Variants in NCKAP5 observed in about 807,000 individuals in gnomAD.
NCKAP5 encodes the protein NCK associated protein 5.
NCKAP5 carries 92 observed loss-of-function variants against 167.0 expected under a neutral mutation model. The observed-to-expected ratio is 0.55, with a 90% CI of 0.47 to 0.66. The LOEUF (loss-of-function observed/expected upper bound fraction) is 0.66. Ranked by LOEUF, NCKAP5 falls within the 30% of genes least tolerant of loss-of-function variation. NCKAP5 has a pLI of 0.00. For missense variants in NCKAP5, 2,378 were observed against 2,315.0 expected (o/e 1.03, Z -0.56); for synonymous variants, 891 against 877.4 (o/e 1.02, Z -0.27).
rs79269932 is a variant in NCKAP5 at position 133,372,997 on chromosome 2, T to C, written c.70-69887A>G. ...GATGTTTCAGTGGAGGTGATTCTAA[T>C]GCAAACTTTTCTTCAGGAGGGAAAT... is the stretch of plus-strand genomic sequence containing the variant. On this transcript the variant is annotated intron_variant, in intron 3 of 19. Transcript: ENST00000409261. Among the ~76,000 whole-genome samples, 496 of 152,328 alleles carry C rather than the reference T, an allele frequency of 3.3e-3. 7 individuals carry two copies. Among genetic ancestry groups the C allele is most frequent in the African/African-American group, 0.011 (453 of 41,570 alleles).
chr2:133,244,202 G>A (rs576561114), intron 4 of NCKAP5, among the ~76,000 whole-genome samples: 1 of 152,068 alleles, frequency 6.6e-6, no homozygotes, highest in Non-Finnish European at 1.5e-5. Context: ...TGATAAAGAT[G>A]GATATTCTTT....
At chr2:133,274,895 T>G (rs1046060645) in intron 4 of NCKAP5, among the ~76,000 whole-genome samples, 1 of 151,930 alleles carries the variant, frequency 6.6e-6, no homozygotes, top group African/African-American at 2.4e-5. Flanking sequence ...CTTTGGAGGA[T>G]ACTTTCATAT....
intron 5 of NCKAP5, among the ~76,000 whole-genome samples, chr2:133,159,993 T>C (rs2083721156): frequency 6.6e-6 from 1 of 152,192 alleles, no homozygotes; most frequent in Non-Finnish European, 1.5e-5. Context: ...CTCCATCTTC[T>C]CCCCATCTGG....
At chr2:133,046,652 T>G (rs2079411152) in intron 6 of NCKAP5, among the ~76,000 whole-genome samples, 1 of 152,166 alleles carries the variant, frequency 6.6e-6, no homozygotes, top group Non-Finnish European at 1.5e-5. Flanking sequence ...GTGCTGGGAT[T>G]ACATGCATGA....
chr2:133,025,520 T>C (rs2078666993), intron 6 of NCKAP5, among the ~76,000 whole-genome samples: 1 of 152,142 alleles, frequency 6.6e-6, no homozygotes, highest in Admixed American at 6.5e-5. Context: ...TGTGAAAAAT[T>C]GTCAAAAGTT....
chr2:133,023,154 T>C (rs765096387), intron 6 of NCKAP5, among the ~76,000 whole-genome samples: 2 of 152,140 alleles, frequency 1.3e-5, no homozygotes, highest in African/African-American at 2.4e-5. Context: ...ATTGAGACAA[T>C]CAATGTGTGT....
intron 3 of NCKAP5, among the ~76,000 whole-genome samples, chr2:133,512,888 T>G (rs1379711405): frequency 6.6e-6 from 1 of 151,964 alleles, no homozygotes; most frequent in Non-Finnish European, 1.5e-5. Flanking sequence ...AACTACCGCT[T>G]CCCCATGGCC....
intron 2 of NCKAP5, among the ~76,000 whole-genome samples, chr2:133,549,134 G>A (rs1483734234): frequency 4.0e-5 from 6 of 149,824 alleles, no homozygotes; most frequent in South Asian, 4.2e-4. Flanking sequence ...GACAAAGAAG[G>A]CCATTACATA....
At chr2:133,573,215 G>A (rs547509551), upstream of NCKAP5, among the ~76,000 whole-genome samples, 3 of 152,172 alleles carry the variant, frequency 2.0e-5, no homozygotes, top group East Asian at 1.9e-4. Context: ...ACCATAAAGT[G>A]AGCATAAGGA....
the NCKAP5 span, among the ~76,000 whole-genome samples, chr2:133,658,760 G>A: frequency 6.6e-6 from 1 of 152,104 alleles, no homozygotes; most frequent in African/African-American, 2.4e-5. Context: ...CTGAGCCCCT[G>A]GGCTTGATTT....
upstream of NCKAP5, among the ~76,000 whole-genome samples, chr2:133,571,300 G>C (rs928239610): frequency 6.6e-6 from 1 of 152,014 alleles, no homozygotes; most frequent in African/African-American, 2.4e-5. Context: ...ATACCTTCCC[G>C]AGGGAGAGTT....
At chr2:133,065,435 G>A (rs1358871898) in intron 6 of NCKAP5, among the ~76,000 whole-genome samples, 1 of 152,036 alleles carries the variant, frequency 6.6e-6, no homozygotes, top group Non-Finnish European at 1.5e-5. Flanking sequence ...GACCATCCTG[G>A]CCAACATGGT....
intron 8 of NCKAP5, among the ~76,000 whole-genome samples, chr2:132,923,432 G>A (rs1373387550): frequency 2.0e-5 from 3 of 152,028 alleles, no homozygotes; most frequent in Non-Finnish European, 2.9e-5. Context: ...GCTTGCAAGG[G>A]GTCACAAATA....
intron 7 of NCKAP5, among the ~76,000 whole-genome samples, chr2:132,986,193 T>C (rs2077281948): frequency 6.6e-6 from 1 of 152,178 alleles, no homozygotes; most frequent in South Asian, 2.1e-4. Context: ...ACAGGTGTTG[T>C]GTGTATAAAA....
intron 5 of NCKAP5, among the ~76,000 whole-genome samples, chr2:133,134,957 G>A (rs1559176970): frequency 2.0e-5 from 3 of 152,270 alleles, no homozygotes. Flanking sequence ...ACATGGAGTC[G>A]TTTACTTACT....
chr2:132,993,514 T>A (rs2077503778), intron 7 of NCKAP5, among the ~76,000 whole-genome samples: 1 of 152,204 alleles, frequency 6.6e-6, no homozygotes, highest in South Asian at 2.1e-4. Flanking sequence ...CTCTTTAGAC[T>A]CCTTGTTGCC....
At chr2:133,206,642 A>G (rs1357659378) in intron 5 of NCKAP5, among the ~76,000 whole-genome samples, 1 of 152,212 alleles carries the variant, frequency 6.6e-6, no homozygotes, top group Non-Finnish European at 1.5e-5. Context: ...ATATGAAATC[A>G]GTGCCCCCTG....
At chr2:133,474,735 A>G (rs1044949003) in intron 3 of NCKAP5, among the ~76,000 whole-genome samples, 1 of 152,134 alleles carries the variant, frequency 6.6e-6, no homozygotes, top group Non-Finnish European at 1.5e-5. Flanking sequence ...TCTCTCTCCT[A>G]CTAATTATCC....
the NCKAP5 span, among the ~76,000 whole-genome samples, chr2:133,578,092 C>G: frequency 6.6e-6 from 1 of 152,192 alleles, no homozygotes; most frequent in African/African-American, 2.4e-5. Flanking sequence ...CTAAAGGAAA[C>G]AATGTGCTCC....
Sources: allele counts gnomAD v4.1 joint callset (sites outside exome capture counted in the v4.1 genomes callset), GRCh38; gene constraint gnomAD v4.1.1; transcripts MANE v1.5; gene names NCBI Gene and HGNC (gene_info 2026-07-23, HGNC 2026-07-21).